CNTNAP2: variants seen among roughly 807,000 people sequenced by gnomAD.
CNTNAP2 encodes the protein contactin-associated protein-like 2.
A neutral mutation model predicts 155.2 loss-of-function variants in CNTNAP2; 98 were observed. The ratio of observed to expected loss-of-function variants is 0.63; its 90% CI spans 0.54 to 0.75. The LOEUF (loss-of-function observed/expected upper bound fraction) is 0.75. CNTNAP2 is among the 30% of genes least tolerant of loss of function. CNTNAP2 has a pLI of 0.00. For synonymous variants in CNTNAP2, 651 were observed against 631.2 expected (o/e 1.03, Z -0.47); for missense variants, 1,727 against 1,688.1 (o/e 1.02, Z -0.40).
intron 1 of CNTNAP2, among the ~76,000 whole-genome samples, chr7:146,770,644 A>G (rs1324293031): frequency 2.0e-5 from 3 of 151,532 alleles, no homozygotes; most frequent in East Asian, 1.9e-4. Context: ...AATTTTTTCA[A>G]ATTATTACTT....
chr7:146,140,250 T>C (rs538159072), intron 1 of CNTNAP2, among the ~76,000 whole-genome samples: 1 of 152,216 alleles, frequency 6.6e-6, no homozygotes, highest in East Asian at 1.9e-4. Context: ...CAAGAGTAGA[T>C]AAAGAAGTAG....
chr7:147,255,224 C>T (rs1157325019), intron 8 of CNTNAP2, among the ~76,000 whole-genome samples: 2 of 150,850 alleles, frequency 1.3e-5, no homozygotes, highest in African/African-American at 4.9e-5. Context: ...ATATTACATA[C>T]ACACACACAC....
chr7:148,084,397 T>A (rs1206528085), intron 15 of CNTNAP2, among the ~76,000 whole-genome samples: 3 of 152,226 alleles, frequency 2.0e-5, no homozygotes, highest in African/African-American at 4.8e-5. Flanking sequence ...CTTGGCTCTC[T>A]GCCCCGGGAC....
At chr7:147,622,812 A>C (rs1794890608) in intron 12 of CNTNAP2, among the ~76,000 whole-genome samples, 1 of 152,066 alleles carries the variant, frequency 6.6e-6, no homozygotes, top group Non-Finnish European at 1.5e-5. Context: ...GAAGAAAACA[A>C]TACAAAAGAC....
chr7:148,019,204 C>A (rs1434498916), intron 15 of CNTNAP2, among the ~76,000 whole-genome samples: 1 of 152,128 alleles, frequency 6.6e-6, no homozygotes, highest in Non-Finnish European at 1.5e-5. Flanking sequence ...CACATTCCCC[C>A]ATAGTGTGGT....
chr7:146,876,335 G>C (rs1024183456), intron 3 of CNTNAP2, among the ~76,000 whole-genome samples: 1 of 151,886 alleles, frequency 6.6e-6, no homozygotes, highest in Non-Finnish European at 1.5e-5. Flanking sequence ...CTGTGAATCA[G>C]GTCGGATTTC....
At chr7:146,663,211 G>A (rs1326289513) in intron 1 of CNTNAP2, among the ~76,000 whole-genome samples, 1 of 143,226 alleles carries the variant, frequency 7.0e-6, no homozygotes, top group Non-Finnish European at 1.5e-5. Context: ...CCGGGAGGCA[G>A]AGGTTGCAGT....
chr7:146,288,925 C>T (rs1800384173), intron 1 of CNTNAP2, among the ~76,000 whole-genome samples: 1 of 150,860 alleles, frequency 6.6e-6, no homozygotes, highest in South Asian at 2.1e-4. Flanking sequence ...CTGCCTCAGC[C>T]TCTGGAGTAG....
intron 9 of CNTNAP2, among the ~76,000 whole-genome samples, chr7:147,319,805 A>C (rs11976714): frequency 0.021 from 3,211 of 152,340 alleles, 118 homozygotes; most frequent in African/African-American, 0.073. Context: ...ATAGAAATCC[A>C]ACTTAGTAAC....
chr7:147,113,201 T>C (rs931474492), intron 5 of CNTNAP2, among the ~76,000 whole-genome samples: 1 of 152,092 alleles, frequency 6.6e-6, no homozygotes, highest in Non-Finnish European at 1.5e-5. Flanking sequence ...TCTCTGATGG[T>C]ACAGAGAATA....
At chr7:148,005,316 A>G (rs1801955981) in intron 15 of CNTNAP2, among the ~76,000 whole-genome samples, 1 of 152,180 alleles carries the variant, frequency 6.6e-6, no homozygotes, top group Non-Finnish European at 1.5e-5. Context: ...CTAAAGACCT[A>G]ATAATCCCCA....
rs373228596 is a variant in CNTNAP2, at chr7:147,646,053, G to T, written c.2098+6747G>T. On this transcript the variant is annotated intron_variant, in intron 13 of 23. Transcript: ENST00000361727. ...CTGGAGTGGAGGAAGCAGAGGTGGT[G>T]GGAAGAGTCTGTCCGCACCAGAGTG... Among the ~76,000 whole-genome samples the T allele has an allele frequency of 3.9e-5, 6 of 152,310 alleles. No homozygotes were observed. In the South Asian group the frequency reaches 6.2e-4, roughly 16 times the overall value.
At chr7:147,867,802 G>A (rs988629650) in intron 13 of CNTNAP2, among the ~76,000 whole-genome samples, 1 of 152,066 alleles carries the variant, frequency 6.6e-6, no homozygotes, top group Non-Finnish European at 1.5e-5. Flanking sequence ...GCTCCATCAG[G>A]TCATTCAAGG....
At chr7:147,720,809 C>T (rs1796556111) in intron 13 of CNTNAP2, among the ~76,000 whole-genome samples, 1 of 152,000 alleles carries the variant, frequency 6.6e-6, no homozygotes, top group East Asian at 1.9e-4. Flanking sequence ...AACCTCTTTC[C>T]TTTATAAATT....
At chr7:146,891,542 T>C (rs1795777015) in intron 3 of CNTNAP2, among the ~76,000 whole-genome samples, 1 of 152,242 alleles carries the variant, frequency 6.6e-6, no homozygotes, top group Admixed American at 6.5e-5. Flanking sequence ...ATTACAGGCA[T>C]ACATGAAATA....
At chr7:148,340,715 CTCT>C (rs1314046928) in intron 21 of CNTNAP2, among the ~76,000 whole-genome samples, 2 of 152,228 alleles carry the variant, frequency 1.3e-5, no homozygotes, top group Non-Finnish European at 2.9e-5. Context: ...TGAAAGGAAG[CTCT>C]TCTTTTGATT....
At chr7:146,495,165 C>T (rs183031711) in intron 1 of CNTNAP2, among the ~76,000 whole-genome samples, 1 of 152,206 alleles carries the variant, frequency 6.6e-6, no homozygotes, top group Non-Finnish European at 1.5e-5. Flanking sequence ...GTCAGCTCCT[C>T]TGGGACCCTA....
intron 1 of CNTNAP2, among the ~76,000 whole-genome samples, chr7:146,711,701 G>A (rs1470961919): frequency 1.4e-5 from 2 of 142,898 alleles, no homozygotes; most frequent in African/African-American, 5.1e-5. Flanking sequence ...CATATCTTAT[G>A]TATACATATA....
intron 15 of CNTNAP2, among the ~76,000 whole-genome samples, chr7:147,984,945 T>C (rs1051365154): frequency 5.3e-5 from 8 of 151,762 alleles, no homozygotes; most frequent in African/African-American, 1.9e-4. Context: ...TGAAACCCCA[T>C]CTCTACTAAA....
Sources: gnomAD v4.1 joint callset for allele counts (sites outside exome capture counted in the v4.1 genomes callset) on GRCh38, gnomAD v4.1.1 for gene constraint, MANE v1.5 for transcripts, NCBI Gene and HGNC (gene_info 2026-07-23, HGNC 2026-07-21) for gene names.